The following KLF12 variants were observed in gnomAD, a reference collection of about 807,000 sequenced individuals.
KLF12 encodes the protein Krueppel-like factor 12.
In KLF12, 9 loss-of-function variants were observed where a neutral mutation model predicts 37.8. The ratio of observed to expected loss-of-function variants is 0.24; its 90% CI spans 0.14 to 0.42. The LOEUF (loss-of-function observed/expected upper bound fraction) is 0.42. KLF12 is among the 10% of genes least tolerant of loss of function. The probability of loss-of-function intolerance (pLI) is 1.00; values close to 1 mark genes in which losing one functional copy is unlikely to be tolerated. For synonymous variants in KLF12, 208 were observed against 202.1 expected, an observed-to-expected ratio of 1.03 and a Z score of -0.25; for missense variants, 411 against 516.0, an observed-to-expected ratio of 0.80 and a Z score of 1.97.
intron 3 of KLF12, among the ~76,000 whole-genome samples, chr13:73,861,857 T>C (rs1223072289): frequency 1.3e-5 from 2 of 152,152 alleles, no homozygotes; most frequent in Admixed American, 6.5e-5. Context: ...TGTGACATCT[T>C]AGCATGTAGT....
the KLF12 span, among the ~76,000 whole-genome samples, chr13:74,168,982 C>G: frequency 6.6e-6 from 1 of 152,106 alleles, no homozygotes; most frequent in East Asian, 1.9e-4. Flanking sequence ...GAGTACAAAC[C>G]AGCCGTGGCT....
Position 74,064,426 on chromosome 13 carries a change from A to T in KLF12, c.-32+69313T>A, listed in dbSNP as rs1053370870. On this transcript the variant is annotated intron_variant, in intron 1 of 7. Coordinates refer to ENST00000377669, the MANE Select transcript of KLF12 (RefSeq NM_007249.5). Reference sequence around the variant, plus strand: ...TCAATATTAAGTATTATAAAGTCACATAACTTTAGCAAAATGAGACATGGG... The same window carrying T: ...TCAATATTAAGTATTATAAAGTCACTTAACTTTAGCAAAATGAGACATGGG... Among the ~76,000 whole-genome samples the T allele has an allele frequency of 3.3e-5, 5 of 152,148 alleles. No individual in the cohort carries two copies. The East Asian group carries it at 7.7e-4, about 23-fold the overall frequency.
the KLF12 span, among the ~76,000 whole-genome samples, chr13:74,211,397 C>A: frequency 6.6e-6 from 1 of 151,998 alleles, no homozygotes; most frequent in Non-Finnish European, 1.5e-5. Context: ...CCCTGAATGG[C>A]TGTGTGAATT....
At chr13:74,048,147 C>T (rs1419586934) in intron 1 of KLF12, among the ~76,000 whole-genome samples, 1 of 151,798 alleles carries the variant, frequency 6.6e-6, no homozygotes, top group African/African-American at 2.4e-5. Context: ...AAGGAATGTA[C>T]TGGGGGACTT....
In KLF12 at chr13:74,088,303, C is replaced by T. The variant is rs115735261; in HGVS notation, c.-32+45436G>A. On this transcript the variant is annotated intron_variant, in intron 1 of 7. Transcript: ENST00000377669. ...TTTTTGAGACAGTCTTGCGCTGTTG[C>T]CCAGGCTGGAATCTCCTGAGTTCAC... is the stretch of plus-strand genomic sequence containing the variant. Among the ~76,000 whole-genome samples, 651 of 151,680 alleles carry T rather than the reference C, an allele frequency of 4.3e-3. 9 individuals are homozygous for T. Among genetic ancestry groups the T allele is most frequent in the African/African-American group, 0.015 (612 of 41,340 alleles).
intron 3 of KLF12, among the ~76,000 whole-genome samples, chr13:73,902,378 T>C (rs1210512847): frequency 1.3e-5 from 2 of 152,216 alleles, no homozygotes; most frequent in Admixed American, 6.5e-5. Flanking sequence ...CCTTTTGACA[T>C]AGGTTATCTC....
chr13:73,769,588 T>C (rs1880141640), intron 5 of KLF12, among the ~76,000 whole-genome samples: 1 of 152,212 alleles, frequency 6.6e-6, no homozygotes, highest in Non-Finnish European at 1.5e-5. Flanking sequence ...TGAGCTACCA[T>C]CATGACCTTC....
chr13:74,223,011 A>G, the KLF12 span, among the ~76,000 whole-genome samples: 18,926 of 152,266 alleles, frequency 0.12, 1,626 homozygotes, highest in Non-Finnish European at 0.18. Context: ...TTTAAAAAAC[A>G]AAGTACTTTG....
chr13:73,888,590 A>C (rs1163785597), intron 3 of KLF12, among the ~76,000 whole-genome samples: 1 of 152,202 alleles, frequency 6.6e-6, no homozygotes, highest in African/African-American at 2.4e-5. Context: ...ATTGTGCTTC[A>C]GTTTCTTAAA....
chr13:74,271,478 G>A, the KLF12 span, among the ~76,000 whole-genome samples: 2 of 152,098 alleles, frequency 1.3e-5, no homozygotes, highest in Admixed American at 1.3e-4. Flanking sequence ...TTATATCATA[G>A]CAGAAGACAT....
the KLF12 span, among the ~76,000 whole-genome samples, chr13:74,212,512 A>G: frequency 4.6e-5 from 7 of 152,320 alleles, no homozygotes; most frequent in Non-Finnish European, 1.0e-4. Context: ...TTTGCTACCA[A>G]AACTGAGGCA....
At chr13:74,273,597 T>G in the KLF12 span, among the ~76,000 whole-genome samples, 1 of 152,200 alleles carries the variant, frequency 6.6e-6, no homozygotes, top group South Asian at 2.1e-4. Context: ...TCTGCAATAC[T>G]CAGTAAAAAT....
chr13:74,010,972 T>C (rs1025231453), intron 1 of KLF12, among the ~76,000 whole-genome samples: 27 of 152,236 alleles, frequency 1.8e-4, no homozygotes, highest in Non-Finnish European at 3.5e-4. Context: ...GTAGATTTTT[T>C]GGCTTTAGGT....
intron 3 of KLF12, among the ~76,000 whole-genome samples, chr13:73,889,115 AGT>A (rs1322892981): frequency 6.6e-6 from 1 of 152,108 alleles, no homozygotes; most frequent in Non-Finnish European, 1.5e-5. Context: ...AATCCACGGG[AGT>A]GTGTGTGCCT....
the KLF12 span, among the ~76,000 whole-genome samples, chr13:74,238,280 G>A: frequency 7.8e-6 from 1 of 128,312 alleles, no homozygotes; most frequent in African/African-American, 4.1e-5. Flanking sequence ...TTGCATCCCA[G>A]GGATGAAGCC....
chr13:73,934,868 C>T (rs1251227244), intron 3 of KLF12, among the ~76,000 whole-genome samples: 1 of 152,040 alleles, frequency 6.6e-6, no homozygotes, highest in Non-Finnish European at 1.5e-5. Context: ...TGTTCCACAG[C>T]TGCTTACTGA....
intron 1 of KLF12, among the ~76,000 whole-genome samples, chr13:74,094,185 G>C (rs1566209189): frequency 6.6e-6 from 1 of 152,062 alleles, no homozygotes; most frequent in Non-Finnish European, 1.5e-5. Flanking sequence ...AGACACAGTA[G>C]AAAAGGTTTA....
intron 7 of KLF12, among the ~76,000 whole-genome samples, chr13:73,700,543 A>G (rs913740516): frequency 2.6e-5 from 4 of 152,002 alleles, no homozygotes; most frequent in Non-Finnish European, 5.9e-5. Flanking sequence ...CCATTGCCCC[A>G]TTAATAAAAT....
intron 1 of KLF12, among the ~76,000 whole-genome samples, chr13:74,022,848 C>T (rs1593837329): frequency 6.6e-6 from 1 of 150,590 alleles, no homozygotes; most frequent in African/African-American, 2.5e-5. Flanking sequence ...TTTTGTCATG[C>T]TGAGATCTCA....
Sources: gnomAD v4.1 joint callset for allele counts (sites outside exome capture counted in the v4.1 genomes callset) on GRCh38, gnomAD v4.1.1 for gene constraint, MANE v1.5 for transcripts, NCBI Gene and HGNC (gene_info 2026-07-23, HGNC 2026-07-21) for gene names.